The following LCORL variants were observed in gnomAD, a reference collection of about 807,000 sequenced individuals.
LCORL encodes the protein ligand-dependent nuclear receptor corepressor-like protein.
In LCORL, 41 loss-of-function variants were observed where a neutral mutation model predicts 141.8. The observed-to-expected ratio is 0.29, with a 90% confidence interval of 0.23 to 0.38. The LOEUF is 0.38. Ranked by LOEUF, LCORL falls within the 10% of genes least tolerant of loss-of-function variation. The pLI is 1.00. For synonymous variants in LCORL, 618 were observed against 694.1 expected, an observed-to-expected ratio of 0.89 and a Z score of 1.72; for missense variants, 1,759 against 2,035.0, an observed-to-expected ratio of 0.86 and a Z score of 2.61.
intron 5 of LCORL, among the ~76,000 whole-genome samples, chr4:17,886,701 A>G (rs1017298496): frequency 1.3e-5 from 2 of 152,064 alleles, no homozygotes; most frequent in Non-Finnish European, 1.5e-5. Flanking sequence ...TGAACTATAC[A>G]ATAGTTAAAT....
At chr4:18,010,424 G>A (rs1313992889) in intron 1 of LCORL, among the ~76,000 whole-genome samples, 1 of 139,952 alleles carries the variant, frequency 7.1e-6, no homozygotes, top group Non-Finnish European at 1.5e-5. Flanking sequence ...ATATATATAT[G>A]TATGTATGTA....
chr4:18,018,757 T>C (rs1003487043), intron 1 of LCORL, among the ~76,000 whole-genome samples: 1 of 152,170 alleles, frequency 6.6e-6, no homozygotes, highest in African/African-American at 2.4e-5. Context: ...TACAATTCCA[T>C]ATCTCACTTA....
intron 7 of LCORL, 117 bp downstream of exon 7, chr4:17,873,271 G>A (rs1019230441): frequency 1.6e-6 from 1 of 633,496 alleles, no homozygotes; most frequent in Non-Finnish European, 2.3e-6. Context: ...AAGAAATTAG[G>A]TTGTCCAAAT....
At chr4:17,982,336 A>G (rs1428407829) in intron 1 of LCORL, among the ~76,000 whole-genome samples, 2 of 152,162 alleles carry the variant, frequency 1.3e-5, no homozygotes, top group Non-Finnish European at 2.9e-5. Flanking sequence ...TTCTGCTTTT[A>G]GCTCTTTGAG....
At chr4:17,901,708 T>C (rs1730909262) in intron 5 of LCORL, among the ~76,000 whole-genome samples, 1 of 151,824 alleles carries the variant, frequency 6.6e-6, no homozygotes, top group Non-Finnish European at 1.5e-5. Flanking sequence ...TTAATAGCAG[T>C]AGAGTATATA....
intron 1 of LCORL, among the ~76,000 whole-genome samples, chr4:17,995,387 G>A (rs1341313360): frequency 1.3e-5 from 2 of 152,086 alleles, no homozygotes; most frequent in Non-Finnish European, 2.9e-5. Context: ...CTTGTGGGAA[G>A]AGGCCAACTG....
chr4:17,912,716 C>T (rs1384510839), intron 4 of LCORL: 1 of 395,566 alleles, frequency 2.5e-6, no homozygotes, highest in Non-Finnish European at 4.9e-6. Flanking sequence ...GCTCAATGGG[C>T]TCCTCCTGCA....
chr4:17,901,484 T>C (rs1730874190), intron 5 of LCORL, among the ~76,000 whole-genome samples: 1 of 151,572 alleles, frequency 6.6e-6, no homozygotes. Context: ...TAAGAAGAAA[T>C]GATAAGCAAA....
intron 7 of LCORL, among the ~76,000 whole-genome samples, chr4:17,864,490 C>T (rs946025717): frequency 1.3e-5 from 2 of 152,086 alleles, no homozygotes; most frequent in East Asian, 1.9e-4. Context: ...GCATGAGCCG[C>T]CTCACCTGGC....
chr4:17,891,391 A>G (rs1205634428), intron 5 of LCORL, among the ~76,000 whole-genome samples: 1 of 152,156 alleles, frequency 6.6e-6, no homozygotes, highest in Non-Finnish European at 1.5e-5. Flanking sequence ...GTCTTCAAAA[A>G]TCTTAAAAAT....
intron 4 of LCORL, among the ~76,000 whole-genome samples, chr4:17,934,241 C>G (rs1736491429): frequency 6.6e-6 from 1 of 151,986 alleles, no homozygotes; most frequent in African/African-American, 2.4e-5. Context: ...AATAATGTAT[C>G]AGCATTTGTT....
intron 6 of LCORL, chr4:17,883,625 T>C: frequency 2.1e-6 from 3 of 1,402,496 alleles, no homozygotes; most frequent in East Asian, 5.1e-5. Flanking sequence ...TTCCCACGTG[T>C]GTATATAGAC....
intron 4 of LCORL, among the ~76,000 whole-genome samples, chr4:17,917,098 C>T (rs1733563375): frequency 6.6e-6 from 1 of 152,144 alleles, no homozygotes; most frequent in Non-Finnish European, 1.5e-5. Flanking sequence ...CCTCAGCCTC[C>T]TGAGTAGCTG....
chr4:18,006,510 T>C (rs1722837396), intron 1 of LCORL, among the ~76,000 whole-genome samples: 1 of 152,174 alleles, frequency 6.6e-6, no homozygotes, highest in East Asian at 1.9e-4. Flanking sequence ...TTCACACTGC[T>C]GATAAAGACA....
Position 17,884,998 on chromosome 4 carries a change from C to G in LCORL, c.776+1070G>C, listed in dbSNP as rs1728083739. On this transcript the variant is annotated intron_variant, in intron 6 of 7. Transcript: ENST00000635767. This position sits in a 1 kb window ranked among gnomAD's most constrained non-coding sequence, Gnocchi z 4.4. ...ACCTTCCAAGAACATAAAATCCTAA[C>G]TCAGTATTTGTAAAAATATTCTCAT... 6.6e-6 allele frequency among the ~76,000 whole-genome samples: 1 copy of G among 151,938 alleles called. No homozygotes were observed. Among genetic ancestry groups the G allele is most frequent in the South Asian group, 2.1e-4 (1 of 4,830 alleles).
intron 2 of LCORL, among the ~76,000 whole-genome samples, chr4:17,967,915 T>C (rs558777478): frequency 3.3e-4 from 50 of 151,974 alleles, no homozygotes; most frequent in African/African-American, 1.1e-3. Context: ...TGGAGTGCAG[T>C]GACACAATCT....
rs112243368 is a variant in LCORL, at chr4:18,000,646, G to C, written c.154+20952C>G. Among the ~76,000 whole-genome samples, 727 of 152,284 alleles carry C rather than the reference G, an allele frequency of 4.8e-3. 3 individuals are homozygous for C. Among genetic ancestry groups the C allele is most frequent in the African/African-American group, 0.017 (688 of 41,568 alleles). On this transcript the variant is annotated intron_variant, in intron 1 of 7. Transcript: ENST00000635767. ...ATGAATGAATTACATAAAATACTGA[G>C]CTAAAGAAGCTAAACACAAAATATA... is the stretch of plus-strand genomic sequence containing the variant.
intron 1 of LCORL, among the ~76,000 whole-genome samples, chr4:18,013,858 G>C (rs375766705): frequency 5.9e-5 from 9 of 151,834 alleles, no homozygotes; most frequent in African/African-American, 2.2e-4. Flanking sequence ...ACCTAGGCTG[G>C]AGTACAGTTG....
chr4:17,903,450 T>C (rs528133023), intron 5 of LCORL, among the ~76,000 whole-genome samples: 2 of 152,130 alleles, frequency 1.3e-5, no homozygotes, highest in South Asian at 4.1e-4. Flanking sequence ...TTCTTGTACA[T>C]TGGAATTTAG....
Sources: allele counts gnomAD v4.1 joint callset (sites outside exome capture counted in the v4.1 genomes callset), GRCh38; gene constraint gnomAD v4.1.1; non-coding constraint Gnocchi (gnomAD v3.1); transcripts MANE v1.5; gene names NCBI Gene and HGNC (gene_info 2026-07-23, HGNC 2026-07-21).